Variants in NEB observed in about 807,000 individuals in gnomAD.
NEB encodes nemaline myopathy type 2.
A neutral mutation model predicts 952.2 loss-of-function variants in NEB; 512 were observed. The observed-to-expected ratio is 0.54, with a 90% CI of 0.50 to 0.58. NEB has a LOEUF of 0.58. Ranked by LOEUF, NEB falls within the 20% of genes least tolerant of loss-of-function variation. The pLI, the probability that NEB is intolerant of heterozygous loss-of-function variation, is 0.00. For missense variants in NEB, 8,428 were observed against 9,231.1 expected (o/e 0.91, Z 3.56); for synonymous variants, 2,900 against 3,149.8 (o/e 0.92, Z 2.66).
At chr2:151,609,445 AT>A (rs2097851543) in intron 81 of NEB, among the ~76,000 whole-genome samples, 1 of 152,062 alleles carries the variant, frequency 6.6e-6, no homozygotes, top group Non-Finnish European at 1.5e-5. Flanking sequence ...TAATATAATT[AT>A]TTGATATTTC....
chr2:151,517,821 C>T (rs1453248208), intron 156 of NEB, among the ~76,000 whole-genome samples: 1 of 152,174 alleles, frequency 6.6e-6, no homozygotes, highest in East Asian at 1.9e-4. Context: ...AGGGTAGCTC[C>T]ATTATAATCT....
chr2:151,524,295 C>T lies in NEB; in HGVS notation c.22479+16G>A, dbSNP rs1486519316. 2 of 1,602,470 alleles carry T rather than the reference C, an allele frequency of 1.2e-6. No homozygotes were observed. Among genetic ancestry groups the T allele is most frequent in the Non-Finnish European group, 1.7e-6 (2 of 1,170,098 alleles). ...TCTCCTCACATGAGAGCCACCAGTGCACCCATCTGCATTACCTGGCTGCTC... is the reference window on the plus strand; with the variant it reads ...TCTCCTCACATGAGAGCCACCAGTGTACCCATCTGCATTACCTGGCTGCTC... On this transcript the variant is annotated intron_variant, in intron 153 of 181. Transcript: ENST00000397345.
chr2:151,621,703 T>C (rs527318565), intron 71 of NEB, among the ~76,000 whole-genome samples: 45 of 152,312 alleles, frequency 3.0e-4, no homozygotes, highest in African/African-American at 1.0e-3. Flanking sequence ...GGAAGTGTCA[T>C]TTGAGAACCA....
Position 151,546,423 on chromosome 2 carries a change from C to T in NEB, c.20388G>A (p.Leu6796=). 1 of 1,613,228 alleles carries T rather than the reference C, an allele frequency of 6.2e-7. No homozygotes were observed. The highest frequency in any genetic ancestry group is 8.5e-7 in the Non-Finnish European group (1 of 1,179,266). ...ITSDIKYKED[L]QVLKGFGCFL... ...AGCAGCCAAATCCCTTCAGGACCTG[C>T]AAGTCCTCTTTGTATTTAATCTGAG... The change falls in exon 134 of 182, where the codon TTG becomes TTA. Residue 6796 remains leucine (L), a synonymous_variant. Transcript: ENST00000397345.
chr2:151,553,634 C>G (rs139318997), intron 126 of NEB, 132 bp from the exon 127 acceptor site: 1 of 845,936 alleles, frequency 1.2e-6, no homozygotes, highest in African/African-American at 1.7e-5. Flanking sequence ...CAAAGAGGCT[C>G]AGGGGAGCCA....
Position 151,609,802 on chromosome 2 carries a change from T to TA in NEB, c.12330+6dup. On this transcript the variant is annotated splice_region_variant and intron_variant, in intron 81 of 181. Coordinates refer to ENST00000397345, the MANE Select transcript of NEB (RefSeq NM_001164508.2). ...CTTCCCCCTTTCCCAAAATTCATGT[T>TA]ACGTACATCACTCTGCAGGTCATAG... 6.4e-7 allele frequency: 1 copy of TA among 1,556,358 alleles called. No individual in the cohort carries two copies. Among genetic ancestry groups the TA allele is most frequent in the East Asian group, 2.2e-5 (1 of 44,496 alleles).
intron 143 of NEB, chr2:151,532,133 G>C: frequency 2.8e-6 from 1 of 354,366 alleles, no homozygotes; most frequent in East Asian, 5.8e-5. Flanking sequence ...GTCTTACTCT[G>C]TCACCCAGGC....
At chr2:151,688,765 CTG>C (rs1421679465) in intron 24 of NEB, among the ~76,000 whole-genome samples, 3 of 152,050 alleles carry the variant, frequency 2.0e-5, no homozygotes, top group Admixed American at 6.6e-5. Context: ...TATAACAAAA[CTG>C]TAATAAAAGT....
chr2:151,557,129 AT>A (rs1343928513), intron 124 of NEB, among the ~76,000 whole-genome samples: 4 of 152,196 alleles, frequency 2.6e-5, no homozygotes, highest in African/African-American at 9.7e-5. Flanking sequence ...AGCAAGACTA[AT>A]AAAGAAGAAA....
chr2:151,549,773 A>T, intron 129 of NEB, 33 bp from the exon 130 acceptor site: 1 of 1,311,228 alleles, frequency 7.6e-7, no homozygotes, highest in Non-Finnish European at 1.1e-6. Flanking sequence ...GTTAAATGAC[A>T]TCGGGCATCA....
chr2:151,524,364 G>A lies in NEB; in HGVS notation c.22426C>T (p.Leu7476Phe), dbSNP rs956845698. The change falls in exon 153 of 182, where the codon CTC (leucine) becomes TTC (phenylalanine). Residue 7476 changes from leucine to phenylalanine, a missense_variant. By Grantham distance (22) the Leu-to-Phe change is conservative (BLOSUM62 0). This residue lies in a region of NEB where 3,374 missense variants were observed against 3,651.5 expected (regional missense o/e 0.92). Coordinates refer to ENST00000397345, the MANE Select transcript of NEB (RefSeq NM_001164508.2). The part of the protein sequence containing the change: ...RKEGSHGLSM[L>F]GRPDIEMAKK... ...GCCATTTCTATGTCTGGGCGACCGA[G>A]CATGCTTAAGCCATGGCTGCCTTCC... 1.2e-6 allele frequency: 2 copies of A among 1,613,822 alleles called. No homozygotes were observed. Among genetic ancestry groups the A allele is most frequent in the African/African-American group, 2.7e-5 (2 of 74,938 alleles).
At position 151,506,914 on chromosome 2, in the gene NEB, T is replaced by A. The variant is rs371991383; in HGVS notation, c.23551A>T (p.Ser7851Cys). 2.5e-6 allele frequency: 4 copies of A among 1,592,202 alleles called. No homozygotes were observed. The highest frequency in any genetic ancestry group is 3.4e-6 in the Non-Finnish European group (4 of 1,161,658). Residue 7851 changes from serine to cysteine, a missense_variant, in exon 163 of 182, where the codon AGC becomes TGC. Physicochemically the swap from Ser to Cys is moderately radical, Grantham distance 112 (BLOSUM62 -1). Around this residue, in one of 11 missense-constraint regions of NEB, gnomAD observed 3,374 missense variants for 3,651.5 expected, o/e 0.92. Transcript: ENST00000397345. Reference sequence around the variant, plus strand: ...AAAATAAATAGTAAATATACCGAGCTGAAATTCTTCTGATTTTCTTTTACA... The same window carrying A: ...AAAATAAATAGTAAATATACCGAGCAGAAATTCTTCTGATTTTCTTTTACA... ...LRVKENQKNF[S>C]SVLYKEDVSP...
chr2:151,730,157 C>T lies in NEB; in HGVS notation c.37-501G>A, dbSNP rs374821601. Reference sequence around the variant, plus strand: ...ATAAGATCCCAAGGTATATCCACATCTCAATTATTCCTATACCCTCCTGAT... The same window carrying T: ...ATAAGATCCCAAGGTATATCCACATTTCAATTATTCCTATACCCTCCTGAT... On this transcript the variant is annotated intron_variant, in intron 3 of 181. Transcript: ENST00000397345. Among the ~76,000 whole-genome samples, 229 of 152,296 alleles carry T rather than the reference C, an allele frequency of 1.5e-3. 10 individuals are homozygous for T. In the South Asian group the frequency reaches 0.047, roughly 31 times the overall value.
Position 151,531,795 on chromosome 2 carries a change from G to A in NEB, c.21519C>T (p.Ser7173=), listed in dbSNP as rs16830170. The A allele has an allele frequency of 3.8e-3, 6,157 of 1,606,344 alleles. 110 individuals are homozygous for A. Among genetic ancestry groups the A allele is most frequent in the African/African-American group, 0.029 (2,193 of 74,848 alleles). The part of the protein sequence containing the change: ...LRTTKVNKQI[S]DILYKLEYNK... ...ATTCAGTGTTTCTTGCACTTACATC[G>A]CTGATTTGTTTGTTGACTTTTGTAG... Residue 7173 remains serine, a synonymous_variant, in exon 144 of 182, where the codon AGC becomes AGT. Transcript: ENST00000397345.
intron 64 of NEB, among the ~76,000 whole-genome samples, chr2:151,635,318 G>C (rs1308975943): frequency 6.6e-6 from 1 of 152,168 alleles, no homozygotes; most frequent in Middle Eastern, 3.2e-3. Flanking sequence ...AGGACAGCAA[G>C]TGGGCCTTGA....
chr2:151,712,768 C>T lies in NEB; in HGVS notation c.823-2230G>A, dbSNP rs531491352. Among the ~76,000 whole-genome samples, 9 of 152,148 alleles carry T rather than the reference C, an allele frequency of 5.9e-5. No homozygotes were observed. In the South Asian group the frequency reaches 8.3e-4, roughly 14 times the overall value. On this transcript the variant is annotated intron_variant, in intron 10 of 181. Coordinates refer to ENST00000397345, the MANE Select transcript of NEB (RefSeq NM_001164508.2). Reference sequence around the variant, plus strand: ...GTCCATGTGGGACCCTCTCTACCAGCGAAGGGGTCCCACTCTGCAAGTCTG... The same window carrying T: ...GTCCATGTGGGACCCTCTCTACCAGTGAAGGGGTCCCACTCTGCAAGTCTG...
intron 7 of NEB, 49 bp downstream of exon 7, chr2:151,724,808 G>C: frequency 6.8e-7 from 1 of 1,477,426 alleles, no homozygotes; most frequent in Non-Finnish European, 9.4e-7. Flanking sequence ...CAATGCAGAG[G>C]TGATGCACAT....
chr2:151,675,474 C>T, intron 34 of NEB, 83 bp from the exon 35 acceptor site: 1 of 901,180 alleles, frequency 1.1e-6, no homozygotes, highest in Non-Finnish European at 1.7e-6. Context: ...AGCACAATCA[C>T]CCATGATTTT....
chr2:151,510,865 T>C (rs1252752750), intron 161 of NEB, among the ~76,000 whole-genome samples: 2 of 152,226 alleles, frequency 1.3e-5, no homozygotes, highest in East Asian at 3.8e-4. Flanking sequence ...ACATTGCTTG[T>C]ATTAACCCCC....
Sources: gnomAD v4.1 joint callset for allele counts (sites outside exome capture counted in the v4.1 genomes callset) on GRCh38, gnomAD v4.1.1 for gene constraint, gnomAD v4.1.1 regional missense constraint, MANE v1.5 for transcripts, NCBI Gene and HGNC (gene_info 2026-07-23, HGNC 2026-07-21) for gene names.